ADGRL1: variants seen among roughly 807,000 people sequenced by gnomAD.
ADGRL1 encodes the protein CIRL-1.
ADGRL1 carries 31 observed loss-of-function variants against 148.9 expected under a neutral mutation model. That is an observed-to-expected ratio of 0.21 (90% CI 0.16 to 0.28). ADGRL1 has a LOEUF of 0.28. Ranked by LOEUF, ADGRL1 falls within the 10% of genes least tolerant of loss-of-function variation. The pLI is 1.00. For synonymous variants in ADGRL1, 937 were observed against 900.3 expected (o/e 1.04, Z -0.73); for missense variants, 1,521 against 2,058.8 (o/e 0.74, Z 5.05).
chr19:14,157,547 G>A lies in ADGRL1; in HGVS notation c.2536-87C>T. ...GTGCCAGCCACAGACAGGGCCCTGGGCAAGGCCATGGGCCGTGAGGACCTC... is the reference window on the plus strand; with the variant it reads ...GTGCCAGCCACAGACAGGGCCCTGGACAAGGCCATGGGCCGTGAGGACCTC... On this transcript the variant is annotated intron_variant, in intron 13 of 22. Coordinates refer to ENST00000361434, the MANE Select transcript of ADGRL1 (RefSeq NM_014921.5). The surrounding 1 kb of genome is among the most constrained non-coding windows in gnomAD (Gnocchi z 7.5). The A allele has an allele frequency of 7.3e-7, 1 of 1,378,460 alleles. No homozygotes were observed. The highest frequency in any genetic ancestry group is 1.8e-5 in the Admixed American group (1 of 55,942). 85.4% of individuals were successfully genotyped at this position (1,378,460 alleles called of 1,614,324 possible).
Position 14,205,455 on chromosome 19 carries a change from A to G in ADGRL1, c.-96+530T>C, listed in dbSNP as rs569393420. ...CCCCGCGCCACTGCCTCCCAGAGAA[A>G]AACAACCCCCTCGCCCAGCATCCTG... On this transcript the variant is annotated intron_variant, in intron 1 of 22. Coordinates refer to ENST00000361434, the MANE Select transcript of ADGRL1 (RefSeq NM_014921.5). Among the ~76,000 whole-genome samples the G allele has an allele frequency of 1.7e-3, 265 of 151,462 alleles. 2 individuals are homozygous for G. Among genetic ancestry groups the G allele is most frequent in the African/African-American group, 6.2e-3 (254 of 41,260 alleles).
intron 1 of ADGRL1, among the ~76,000 whole-genome samples, chr19:14,202,292 G>A (rs1373239710): frequency 1.3e-5 from 2 of 151,140 alleles, no homozygotes; most frequent in African/African-American, 4.9e-5. Context: ...TCGCTCTGTC[G>A]CCCACGCTGG....
chr19:14,163,484 GAGAGA>G, intron 4 of ADGRL1, 78 bp from the exon 5 acceptor site: 1 of 1,083,212 alleles, frequency 9.2e-7, no homozygotes, highest in Admixed American at 2.7e-5. Flanking sequence ...GAGAGAGAGA[GAGAGA>G]GAGAGAGAGG....
At position 14,161,421 on chromosome 19, in the gene ADGRL1, T is replaced by G. The variant is rs11879738; in HGVS notation, c.1401A>C (p.Leu467=). 3.3e-6 allele frequency: 5 copies of G among 1,530,496 alleles called. No individual in the cohort carries two copies. Among genetic ancestry groups the G allele is most frequent in the Non-Finnish European group, 4.4e-6 (5 of 1,141,850 alleles). 94.8% of individuals were successfully genotyped at this position (1,530,496 alleles called of 1,614,324 possible). The change falls in exon 6 of 23, where the codon CTA becomes CTC. Residue 467 remains leucine (L), a synonymous_variant. Transcript: ENST00000361434. The surrounding 1 kb of genome is among the most constrained non-coding windows in gnomAD (Gnocchi z 4.4). ...CGCAGAAGAGCTCAGGGGACACGTG[T>G]AGATTCGGGGCTGGGGGCCGCCGGG... ...PSTRRPPAPN[L]HVSPELFCEP...
At chr19:14,177,473 G>T (rs1970901790) in intron 3 of ADGRL1, 58 bp downstream of exon 3, 2 of 1,472,310 alleles carry the variant, frequency 1.4e-6, no homozygotes, top group South Asian at 2.3e-5. Context: ...GTGCTGGCAG[G>T]TGTGCAGTGC....
At chr19:14,165,882 T>C (rs1265940144) in intron 4 of ADGRL1, among the ~76,000 whole-genome samples, 1 of 152,094 alleles carries the variant, frequency 6.6e-6, no homozygotes, top group Non-Finnish European at 1.5e-5. Flanking sequence ...CTAAAGGCCA[T>C]GTCCTCCAGC....
Position 14,156,980 on chromosome 19 carries a change from G to C in ADGRL1, c.2911C>G (p.Leu971Val). ...ATGGCAGCCGCGATGCCCACCACCA[G>C]GGCCGGGAAGCAGTAGCCACCCAGG... ...YYLGGYCFPA[L>V]VVGIAAAIDY... Residue 971 changes from leucine (L) to valine (V), a missense_variant, in exon 15 of 23, where the codon CTG becomes GTG. Physicochemically the swap from Leu to Val is conservative, Grantham distance 32. This residue lies in a region of ADGRL1 where 185 missense variants were observed against 251.7 expected (regional missense o/e 0.74). Transcript: ENST00000361434. 1 of 1,613,804 alleles carries C rather than the reference G, an allele frequency of 6.2e-7. No homozygotes were observed. The highest frequency in any genetic ancestry group is 8.5e-7 in the Non-Finnish European group (1 of 1,179,966).
Position 14,156,727 on chromosome 19 carries a change from G to A in ADGRL1, c.2967-3C>T, listed in dbSNP as rs1395300331. ...AATTGTCCACTCGGAGCCAGCAGCT[G>A]TAAAGGAAACAGGGCCGGGGTATAG... On this transcript the variant is annotated splice_polypyrimidine_tract_variant and splice_region_variant and intron_variant, in intron 15 of 22. Transcript: ENST00000361434. The A allele has an allele frequency of 6.2e-7, 1 of 1,608,262 alleles. No homozygotes were observed. Among genetic ancestry groups the A allele is most frequent in the Non-Finnish European group, 8.5e-7 (1 of 1,177,356 alleles).
chr19:14,157,615 A>G lies in ADGRL1; in HGVS notation c.2536-155T>C, dbSNP rs561982903. Among the ~76,000 whole-genome samples the G allele has an allele frequency of 2.4e-4, 36 of 152,362 alleles. No homozygotes were observed. Among genetic ancestry groups the G allele is most frequent in the African/African-American group, 8.4e-4 (35 of 41,592 alleles). On this transcript the variant is annotated intron_variant, in intron 13 of 22. Coordinates refer to ENST00000361434, the MANE Select transcript of ADGRL1 (RefSeq NM_014921.5). The surrounding 1 kb of genome is among the most constrained non-coding windows in gnomAD (Gnocchi z 7.5). ...CAGCCCTCACCCCTCTGCACGCAGC[A>G]ATGCGCTCACTTCCTCATGCTCTGG...
chr19:14,170,851 G>A (rs1970410850), intron 3 of ADGRL1, 60 bp from the exon 4 acceptor site: 3 of 828,758 alleles, frequency 3.6e-6, no homozygotes, highest in South Asian at 2.9e-5. Context: ...CGGGGGTGGG[G>A]GTGCATGCTC....
At chr19:14,168,578 A>C (rs1319651587) in intron 4 of ADGRL1, among the ~76,000 whole-genome samples, 1 of 151,482 alleles carries the variant, frequency 6.6e-6, no homozygotes, top group Non-Finnish European at 1.5e-5. Context: ...TAGCCCCTGG[A>C]CCACGCTCAG....
At chr19:14,201,092 G>T (rs1972572486) in intron 1 of ADGRL1, among the ~76,000 whole-genome samples, 1 of 152,122 alleles carries the variant, frequency 6.6e-6, no homozygotes. Flanking sequence ...ATAGTACAGA[G>T]GACAGCCTCC....
In ADGRL1 at chr19:14,149,622, G is replaced by A. The variant is rs1029318194; in HGVS notation, c.*1251C>T. ...GAGACAGGCCTCTGGTCCTGGGGCA[G>A]GCAGTGAGAGGTACACGCCCCAGAA... On this transcript the variant is annotated 3_prime_UTR_variant, in exon 23 of 23. Coordinates refer to ENST00000361434, the MANE Select transcript of ADGRL1 (RefSeq NM_014921.5). 1 of 152,710 alleles carries A rather than the reference G, an allele frequency of 6.5e-6. No individual in the cohort carries two copies. Among genetic ancestry groups the A allele is most frequent in the Non-Finnish European group, 1.5e-5 (1 of 68,118 alleles). 9.5% of individuals were successfully genotyped at this position (152,710 alleles called of 1,614,324 possible).
intron 3 of ADGRL1, among the ~76,000 whole-genome samples, chr19:14,173,151 G>T (rs1198999733): frequency 6.6e-6 from 1 of 152,076 alleles, no homozygotes; most frequent in African/African-American, 2.4e-5. Context: ...AGTAGAGATG[G>T]GGTTTTGCCG....
At chr19:14,186,398 C>A (rs1240927651) in intron 1 of ADGRL1, among the ~76,000 whole-genome samples, 1 of 152,162 alleles carries the variant, frequency 6.6e-6, no homozygotes, top group Middle Eastern at 3.2e-3. Flanking sequence ...TGGCACGTGG[C>A]AATGAATTAA....
chr19:14,174,325 G>A (rs146849618), intron 3 of ADGRL1, among the ~76,000 whole-genome samples: 1 of 152,170 alleles, frequency 6.6e-6, no homozygotes, highest in Non-Finnish European at 1.5e-5. Flanking sequence ...CCCTCGGCAG[G>A]GGTGTCAGGG....
At chr19:14,176,352 AAAATT>A (rs1410381178) in intron 3 of ADGRL1, among the ~76,000 whole-genome samples, 2 of 152,184 alleles carry the variant, frequency 1.3e-5, no homozygotes, top group African/African-American at 4.8e-5. Context: ...CTCTGTCTCA[AAAATT>A]AAATAACTAA....
At chr19:14,196,141 C>G (rs1419938727) in intron 1 of ADGRL1, among the ~76,000 whole-genome samples, 2 of 152,222 alleles carry the variant, frequency 1.3e-5, no homozygotes, top group Non-Finnish European at 2.9e-5. Context: ...CCACCCCTGT[C>G]CCATCCAATC....
chr19:14,202,596 G>A (rs1053561859), intron 1 of ADGRL1, among the ~76,000 whole-genome samples: 3 of 152,130 alleles, frequency 2.0e-5, no homozygotes, highest in African/African-American at 7.2e-5. Context: ...TTGCTAGAGT[G>A]TGAGCTCCAT....
Sources: gnomAD v4.1 joint callset for allele counts (sites outside exome capture counted in the v4.1 genomes callset) on GRCh38, gnomAD v4.1.1 for gene constraint, gnomAD v4.1.1 regional missense constraint, Gnocchi (gnomAD v3.1) non-coding constraint, MANE v1.5 for transcripts, NCBI Gene and HGNC (gene_info 2026-07-23, HGNC 2026-07-21) for gene names.